Variants in SLC5A10 observed in about 807,000 individuals in gnomAD.
SLC5A10 encodes solute carrier family 5 member 10, also known as sodium/mannose cotransporter SLC5A10.
In SLC5A10, 55 loss-of-function variants were observed where a neutral mutation model predicts 68.9. The ratio of observed to expected loss-of-function variants is 0.80; its 90% CI spans 0.64 to 1.00. The LOEUF (loss-of-function observed/expected upper bound fraction) is 1.00. Among genes scored for constraint, SLC5A10 ranks in the 50% least tolerant of loss-of-function variants. The probability of loss-of-function intolerance (pLI) is 0.00; values close to 1 mark genes in which losing one functional copy is unlikely to be tolerated. For missense variants in SLC5A10, 732 were observed against 819.3 expected, an observed-to-expected ratio of 0.89 and a Z score of 1.30; for synonymous variants, 344 against 344.8, an observed-to-expected ratio of 1.00 and a Z score of 0.02.
chr17:18,959,514 G>T, intron 3 of SLC5A10, 90 bp from the exon 4 acceptor site: 1 of 1,415,416 alleles, frequency 7.1e-7, no homozygotes, highest in South Asian at 1.2e-5. Flanking sequence ...CCAGGCCTCC[G>T]GATGGCTCAT....
At position 19,017,267 on chromosome 17, in the gene SLC5A10, T is replaced by C; in HGVS notation, c.1241+2068T>C. 6.4e-7 allele frequency: 1 copy of C among 1,551,036 alleles called. No homozygotes were observed. Reference sequence around the variant, plus strand: ...AGGTGTCAGGCTGGCCAGCTCAACTTCCCGTCCCTCTTACAGCACTGGGAT... The same window carrying C: ...AGGTGTCAGGCTGGCCAGCTCAACTCCCCGTCCCTCTTACAGCACTGGGAT... On this transcript the variant is annotated intron_variant, in intron 11 of 14. Transcript: ENST00000395645. The surrounding 1 kb of genome is among the most constrained non-coding windows in gnomAD (Gnocchi z 5.6).
At chr17:18,982,013 G>A (rs968654592) in intron 9 of SLC5A10, among the ~76,000 whole-genome samples, 27 of 152,186 alleles carry the variant, frequency 1.8e-4, no homozygotes, top group African/African-American at 5.3e-4. Flanking sequence ...CTGGAAAATC[G>A]GCCGCCAGCA....
At chr17:18,988,309 T>C (rs1170905176) in intron 9 of SLC5A10, 1 of 1,614,200 alleles carries the variant, frequency 6.2e-7, no homozygotes, top group Non-Finnish European at 8.5e-7. Context: ...TTGACGTTAC[T>C]CTCATCCACG....
At chr17:18,980,960 C>T (rs138492456) in intron 9 of SLC5A10, among the ~76,000 whole-genome samples, 9 of 152,292 alleles carry the variant, frequency 5.9e-5, no homozygotes, top group East Asian at 5.8e-4. Flanking sequence ...TTCTGGCTCT[C>T]GGCTATGACG....
chr17:18,962,389 T>A (rs2042628591), intron 5 of SLC5A10, among the ~76,000 whole-genome samples: 1 of 151,998 alleles, frequency 6.6e-6, no homozygotes, highest in Non-Finnish European at 1.5e-5. Flanking sequence ...GCTTAGACTC[T>A]AGGAGTCACT....
rs879623155 is a variant in SLC5A10, at chr17:19,022,134, G to T, written c.*1703G>T. ...GTCAAACTGGGCCTGGGCAAAGCAG[G>T]CCCCAGGTGACTGCAAGAAGAGGAG... On this transcript the variant is annotated 3_prime_UTR_variant, in exon 15 of 15. Coordinates refer to ENST00000395645, the MANE Select transcript of SLC5A10 (RefSeq NM_001042450.4). The T allele has an allele frequency of 2.7e-6, 4 of 1,496,208 alleles. No individual in the cohort carries two copies. In the South Asian group the frequency reaches 4.0e-5, roughly 15 times the overall value. 92.7% of individuals were successfully genotyped at this position (1,496,208 alleles called of 1,614,324 possible).
At position 19,003,696 on chromosome 17, in the gene SLC5A10, A is replaced by C. The variant is rs1369055750; in HGVS notation, c.983-9714A>C. 1.2e-6 allele frequency: 2 copies of C among 1,607,802 alleles called. No individual in the cohort carries two copies. ...GACTTCTGGGGCCAGTACTCCAGGGAGGGCAGCGGCTCGGCCTCGATGGGG... is the reference window on the plus strand; with the variant it reads ...GACTTCTGGGGCCAGTACTCCAGGGCGGGCAGCGGCTCGGCCTCGATGGGG... On this transcript the variant is annotated intron_variant, in intron 9 of 14. Coordinates refer to ENST00000395645, the MANE Select transcript of SLC5A10 (RefSeq NM_001042450.4). This position sits in a 1 kb window ranked among gnomAD's most constrained non-coding sequence, Gnocchi z 4.5.
intron 9 of SLC5A10, chr17:18,988,204 C>A: frequency 6.3e-7 from 1 of 1,595,386 alleles, no homozygotes; most frequent in Non-Finnish European, 8.6e-7. Context: ...GACTGAATGA[C>A]CCCTGCCCTC....
At position 18,960,668 on chromosome 17, in the gene SLC5A10, C is replaced by T. The variant is rs763336459; in HGVS notation, c.453+16C>T. ...CAAGATATCGGTGAGCTGCCCCCGG[C>T]TCCCTGCTGGCATAGCCTGGAAACA... is the stretch of plus-strand genomic sequence containing the variant. On this transcript the variant is annotated intron_variant, in intron 5 of 14. Transcript: ENST00000395645. The T allele has an allele frequency of 3.7e-5, 60 of 1,610,850 alleles. No individual in the cohort carries two copies. In the South Asian group the frequency reaches 4.6e-4, roughly 12 times the overall value.
intron 10 of SLC5A10, 29 bp from the exon 11 acceptor site, chr17:19,015,019 CA>C (rs757281844): frequency 1.2e-6 from 2 of 1,600,038 alleles, no homozygotes; most frequent in African/African-American, 2.7e-5. Context: ...CAAGGCCGGA[CA>C]GGGTCACACA....
intron 9 of SLC5A10, among the ~76,000 whole-genome samples, chr17:19,005,654 C>T (rs976813447): frequency 2.0e-5 from 3 of 151,956 alleles, no homozygotes; most frequent in African/African-American, 2.4e-5. Context: ...CAAACCCCCC[C>T]CCTCCAAGGC....
intron 6 of SLC5A10, 41 bp from the exon 7 acceptor site, chr17:18,969,301 G>C: frequency 6.2e-7 from 1 of 1,604,384 alleles, no homozygotes; most frequent in Non-Finnish European, 8.5e-7. Context: ...CCTCCTCCCT[G>C]GGGCCAGGGC....
intron 11 of SLC5A10, among the ~76,000 whole-genome samples, chr17:19,016,439 C>T (rs993922068): frequency 6.6e-6 from 1 of 152,132 alleles, no homozygotes; most frequent in Non-Finnish European, 1.5e-5. Context: ...CTCTTGTTGT[C>T]CTCTGAGCAG....
chr17:18,966,324 C>T (rs558174873), intron 5 of SLC5A10, among the ~76,000 whole-genome samples: 1 of 152,272 alleles, frequency 6.6e-6, no homozygotes, highest in African/African-American at 2.4e-5. Flanking sequence ...GGTCCTGGTT[C>T]AGCCTGTGCC....
At chr17:19,014,924 C>A in intron 10 of SLC5A10, 125 bp from the exon 11 acceptor site, 1 of 1,189,760 alleles carries the variant, frequency 8.4e-7, no homozygotes, top group Non-Finnish European at 1.2e-6. Flanking sequence ...CTCTCCCTCC[C>A]CGCCCTCTGC....
At position 19,004,092 on chromosome 17, in the gene SLC5A10, C is replaced by T. The variant is rs2043812310; in HGVS notation, c.983-9318C>T. 1 of 1,521,852 alleles carries T rather than the reference C, an allele frequency of 6.6e-7. No individual in the cohort carries two copies. The allele number at this position is 1,521,852 out of a possible 1,614,324, so 94.3% of individuals were successfully genotyped here. On this transcript the variant is annotated intron_variant, in intron 9 of 14. Coordinates refer to ENST00000395645, the MANE Select transcript of SLC5A10 (RefSeq NM_001042450.4). This position sits in a 1 kb window ranked among gnomAD's most constrained non-coding sequence, Gnocchi z 5.4. ...CCGGGGGTGGGTGGGCAAGGTCCAG[C>T]TCCTAGCTCCGGCCCAGCTGGGGCA...
intron 9 of SLC5A10, chr17:18,979,554 G>A: frequency 6.2e-7 from 1 of 1,613,206 alleles, no homozygotes. Flanking sequence ...GTCACCTGTA[G>A]GAGCCGCACA....
Position 18,958,731 on chromosome 17 carries a change from G to A in SLC5A10, c.161G>A (p.Gly54Asp), listed in dbSNP as rs769007757. The change falls in exon 2 of 15, where the codon GGC becomes GAC. Residue 54 changes from glycine (G) to aspartate (D), a missense_variant. Gly to Asp is a moderately conservative substitution (Grantham distance 94). Transcript: ENST00000395645. ...RNTVNGYFLAGRDMTWWPIGA... is the reference protein window; with the variant it reads ...RNTVNGYFLADRDMTWWPIGA... ...ACGGTGAATGGCTACTTCCTGGCAG[G>A]CCGGGACATGACGTGGTGGCCGGTG... 3 of 1,614,216 alleles carry A rather than the reference G, an allele frequency of 1.9e-6. No individual in the cohort carries two copies. The highest frequency in any genetic ancestry group is 2.2e-5 in the East Asian group (1 of 44,876).
chr17:18,953,915 G>T (rs2151988639), intron 1 of SLC5A10: 1 of 152,380 alleles, frequency 6.6e-6, no homozygotes, highest in East Asian at 1.9e-4. Context: ...TCGGATAACG[G>T]CTCCTCAACC....
Sources: gnomAD v4.1 joint callset for allele counts (sites outside exome capture counted in the v4.1 genomes callset) on GRCh38, gnomAD v4.1.1 for gene constraint, Gnocchi (gnomAD v3.1) non-coding constraint, MANE v1.5 for transcripts, NCBI Gene and HGNC (gene_info 2026-07-23, HGNC 2026-07-21) for gene names.